Variants in RGS12 observed in about 807,000 individuals in gnomAD.
RGS12 encodes the protein regulator of G-protein signaling 12.
Under a neutral mutation model 120.1 loss-of-function variants are expected in RGS12, and 66 were observed. That is an observed-to-expected ratio of 0.55 (90% confidence interval 0.45 to 0.67). The LOEUF (loss-of-function observed/expected upper bound fraction) is 0.67. RGS12 is among the 30% of genes least tolerant of loss of function. The pLI is 0.00. For missense variants in RGS12, 1,859 were observed against 1,957.7 expected, an observed-to-expected ratio of 0.95 and a Z score of 0.95; for synonymous variants, 827 against 804.7, an observed-to-expected ratio of 1.03 and a Z score of -0.47.
intron 3 of RGS12, among the ~76,000 whole-genome samples, chr4:3,381,618 A>G (rs1718266417): frequency 6.6e-6 from 1 of 152,206 alleles, no homozygotes; most frequent in Non-Finnish European, 1.5e-5. Context: ...AACCCCTTAT[A>G]AAACCGTCAG....
At position 3,317,944 on chromosome 4, in the gene RGS12, C is replaced by A. The variant is rs761622803; in HGVS notation, c.1774C>A (p.Gln592Lys). ...CTACAGGGTGGAGGGCAGCTTCGCG[C>A]AGCCCCCGCTGAATGCCCCGAAGAG... ...DRYRVEGSFA[Q>K]PPLNAPKREW... The change falls in exon 2 of 18, where the codon CAG (glutamine) becomes AAG (lysine). Residue 592 changes from glutamine (Q) to lysine (K), a missense_variant. Physicochemically the swap from Gln to Lys is moderately conservative, Grantham distance 53. Transcript: ENST00000336727. 1 of 1,614,082 alleles carries A rather than the reference C, an allele frequency of 6.2e-7. No individual in the cohort carries two copies. The highest frequency in any genetic ancestry group is 1.3e-5 in the African/African-American group (1 of 74,960).
In RGS12 at chr4:3,422,599, C is replaced by T. The variant is rs372356800; in HGVS notation, c.3033+29C>T. ...CTGGGCCCGCCTGACCCTCGTGCTG[C>T]CCTCAGGCCATGACCTCCCCGCTCC... On this transcript the variant is annotated intron_variant, in intron 11 of 17. Transcript: ENST00000336727. 9.3e-5 allele frequency: 148 copies of T among 1,597,874 alleles called. No homozygotes were observed. In the African/African-American group the frequency reaches 1.5e-3, roughly 16 times the overall value.
chr4:3,299,704 A>T (rs1560637331), intron 1 of RGS12, among the ~76,000 whole-genome samples: 1 of 152,196 alleles, frequency 6.6e-6, no homozygotes, highest in Non-Finnish European at 1.5e-5. Flanking sequence ...CCAACACCTG[A>T]CTTCTGGATC....
In RGS12 at chr4:3,417,287, T is replaced by G; in HGVS notation, c.2608-101T>G. The G allele has an allele frequency of 4.4e-6, 6 of 1,366,820 alleles. 1 individual carries two copies. In the South Asian group the frequency reaches 5.9e-5, roughly 13 times the overall value. 84.7% of individuals were successfully genotyped at this position (1,366,820 alleles called of 1,614,324 possible). A position where few individuals can be genotyped will look rare whatever the true frequency, so the allele number is the denominator to read the frequency against. On this transcript the variant is annotated intron_variant, in intron 8 of 17. Transcript: ENST00000336727. ...GACCTGTAGAAGTGATACCATCCCA[T>G]AGAGTGCTTGTGTTTACAGCTCAGT...
intron 2 of RGS12, among the ~76,000 whole-genome samples, chr4:3,320,539 G>A (rs1467665334): frequency 6.6e-6 from 1 of 152,242 alleles, no homozygotes; most frequent in Non-Finnish European, 1.5e-5. Context: ...TGTGAGTGCT[G>A]GGACCAAGAC....
intron 9 of RGS12, 130 bp downstream of exon 9, chr4:3,417,671 A>G (rs1577078356): frequency 1.0e-6 from 1 of 960,208 alleles, no homozygotes; most frequent in South Asian, 1.6e-5. Context: ...CGGGTCGAGG[A>G]AGCTTCTCTG....
At chr4:3,419,701 C>G (rs544188142) in intron 9 of RGS12, among the ~76,000 whole-genome samples, 1 of 152,168 alleles carries the variant, frequency 6.6e-6, no homozygotes, top group Admixed American at 6.5e-5. Context: ...ACCTGTTGCC[C>G]TAGCTACTGG....
In RGS12 at chr4:3,395,800, A is replaced by T. The variant is rs557031169; in HGVS notation, c.2020+9363A>T. Reference sequence around the variant, plus strand: ...TCCTTATTGATTTATAGAATATTTTAAAAATATATTCTGGAAATGATTTTA... The same window carrying T: ...TCCTTATTGATTTATAGAATATTTTTAAAATATATTCTGGAAATGATTTTA... On this transcript the variant is annotated intron_variant, in intron 4 of 17. Coordinates refer to ENST00000336727, the MANE Select transcript of RGS12 (RefSeq NM_001394154.1). Among the ~76,000 whole-genome samples the T allele has an allele frequency of 1.1e-3, 168 of 152,274 alleles. 1 individual carries two copies. The highest frequency in any genetic ancestry group is 3.8e-3 in the African/African-American group (157 of 41,544).
chr4:3,390,588 G>C lies in RGS12; in HGVS notation c.2020+4151G>C, dbSNP rs17797467. ...CCGCCGCCTCCTCCTGGGCTGCTCT[G>C]CGCGCCTGCCAGGCTCTTCCAGTGC... On this transcript the variant is annotated intron_variant, in intron 4 of 17. Transcript: ENST00000336727. This position sits in a 1 kb window ranked among gnomAD's most constrained non-coding sequence, Gnocchi z 4.6. 0.47 allele frequency among the ~76,000 whole-genome samples: 71,173 copies of C among 152,204 alleles called. 16,828 individuals are homozygous for C. Among genetic ancestry groups the C allele is most frequent in the South Asian group, 0.61 (2,936 of 4,830 alleles).
chr4:3,392,167 G>A (rs769934686), intron 4 of RGS12, among the ~76,000 whole-genome samples: 30 of 152,294 alleles, frequency 2.0e-4, no homozygotes, highest in Middle Eastern at 3.4e-3. Context: ...TCAGGGACAG[G>A]ACCTGTGCAG....
chr4:3,298,102 C>T (rs1723480100), intron 1 of RGS12, among the ~76,000 whole-genome samples: 2 of 152,174 alleles, frequency 1.3e-5, no homozygotes, highest in African/African-American at 2.4e-5. Context: ...TCTCTCCTGC[C>T]TCAAGCTCAT....
rs1719340747 is a variant in RGS12, at chr4:3,390,228, C to T, written c.2020+3791C>T. Among the ~76,000 whole-genome samples the T allele has an allele frequency of 6.6e-6, 1 of 152,170 alleles. No homozygotes were observed. Among genetic ancestry groups the T allele is most frequent in the African/African-American group, 2.4e-5 (1 of 41,436 alleles). ...CCTGACCACCTGCCCCCATCCTGAGCGATGGCCACTGTCAATTTCCTGCCC... is the reference window on the plus strand; with the variant it reads ...CCTGACCACCTGCCCCCATCCTGAGTGATGGCCACTGTCAATTTCCTGCCC... On this transcript the variant is annotated intron_variant, in intron 4 of 17. Transcript: ENST00000336727. This position sits in a 1 kb window ranked among gnomAD's most constrained non-coding sequence, Gnocchi z 4.6.
intron 12 of RGS12, among the ~76,000 whole-genome samples, chr4:3,423,291 T>A (rs1377063348): frequency 6.6e-6 from 1 of 152,222 alleles, no homozygotes; most frequent in Non-Finnish European, 1.5e-5. Context: ...GTAGCCAGGC[T>A]GCTGTGCAGG....
intron 1 of RGS12, among the ~76,000 whole-genome samples, chr4:3,303,699 A>C (rs1228120410): frequency 6.6e-6 from 1 of 152,212 alleles, no homozygotes; most frequent in Non-Finnish European, 1.5e-5. Context: ...TCTAGAAGTA[A>C]AACGGAGCTA....
chr4:3,401,998 C>T (rs1371656908), intron 4 of RGS12, among the ~76,000 whole-genome samples: 1 of 152,208 alleles, frequency 6.6e-6, no homozygotes, highest in Non-Finnish European at 1.5e-5. Flanking sequence ...AGCTCCACCC[C>T]TGGGAAGGGG....
intron 3 of RGS12, chr4:3,369,948 C>T (rs902515405): frequency 8.6e-6 from 9 of 1,046,848 alleles, no homozygotes; most frequent in Non-Finnish European, 1.1e-5. Flanking sequence ...AACAAATTCT[C>T]TGCAGCTGTT....
intron 3 of RGS12, among the ~76,000 whole-genome samples, chr4:3,364,112 A>G (rs1367162028): frequency 6.6e-6 from 1 of 152,210 alleles, no homozygotes; most frequent in African/African-American, 2.4e-5. Context: ...TTCACCAGGA[A>G]AATAAGCAGG....
intron 3 of RGS12, among the ~76,000 whole-genome samples, chr4:3,364,269 C>T (rs1415435761): frequency 2.0e-5 from 3 of 152,146 alleles, no homozygotes; most frequent in African/African-American, 4.8e-5. Context: ...CTCCTGGGCT[C>T]GTTACGTCCA....
intron 3 of RGS12, 124 bp downstream of exon 3, chr4:3,343,177 T>C: frequency 1.5e-6 from 1 of 655,732 alleles, no homozygotes; most frequent in Non-Finnish European, 2.7e-6. Context: ...TCTGTAGTGG[T>C]AACCCCTGTT....
Sources: gnomAD v4.1 joint callset for allele counts (sites outside exome capture counted in the v4.1 genomes callset) on GRCh38, gnomAD v4.1.1 for gene constraint, Gnocchi (gnomAD v3.1) non-coding constraint, MANE v1.5 for transcripts, NCBI Gene and HGNC (gene_info 2026-07-23, HGNC 2026-07-21) for gene names.